Variants in LIG1 observed in about 807,000 individuals in gnomAD.
The protein encoded by LIG1 is ligase I, DNA, ATP-dependent.
In LIG1, 70 loss-of-function variants were observed where a neutral mutation model predicts 115.7. The observed-to-expected ratio is 0.60, with a 90% confidence interval of 0.50 to 0.74. LIG1 has a LOEUF of 0.74. LIG1 is among the 30% of genes least tolerant of loss of function. LIG1 has a pLI of 0.00. For synonymous variants in LIG1, 487 were observed against 495.3 expected (o/e 0.98, Z 0.22); for missense variants, 1,115 against 1,225.6 (o/e 0.91, Z 1.35).
Position 48,159,392 on chromosome 19 carries a change from C to G in LIG1, c.243+1980G>C, listed in dbSNP as rs2036043509. Among the ~76,000 whole-genome samples the G allele has an allele frequency of 2.0e-5, 3 of 152,124 alleles. No individual in the cohort carries two copies. The South Asian group carries it at 6.2e-4, about 31-fold the overall frequency. On this transcript the variant is annotated intron_variant, in intron 4 of 27. Transcript: ENST00000263274. ...GCCAGATGAATATTTTAAACACTGC[C>G]CAGGACTAAATGATCTCTGCCTCTC...
Position 48,165,597 on chromosome 19 carries a change from G to C in LIG1, c.-31C>G. 6.2e-7 allele frequency: 1 copy of C among 1,613,848 alleles called. No individual in the cohort carries two copies. The highest frequency in any genetic ancestry group is 8.5e-7 in the Non-Finnish European group (1 of 1,179,926). On this transcript the variant is annotated 5_prime_UTR_variant, in exon 2 of 28. Coordinates refer to ENST00000263274, the MANE Select transcript of LIG1 (RefSeq NM_000234.3). ...CGTCAGAATTCTCCCTTCCTGTCCA[G>C]CACTTTTCTTCGTCTGTCAGCTGCT...
At chr19:48,128,160 T>C in intron 19 of LIG1, 140 bp from the exon 20 acceptor site, 2 of 715,700 alleles carry the variant, frequency 2.8e-6, no homozygotes, top group East Asian at 2.6e-5. Flanking sequence ...ACAGATGCTT[T>C]TCTTTTATTC....
intron 18 of LIG1, among the ~76,000 whole-genome samples, chr19:48,131,668 A>C (rs2034032115): frequency 6.6e-6 from 1 of 151,658 alleles, no homozygotes; most frequent in Admixed American, 6.6e-5. Flanking sequence ...TGAACTTTCG[A>C]CCTCAGGTGA....
At position 48,115,927 on chromosome 19, in the gene LIG1, C is replaced by T. The variant is rs2032774936; in HGVS notation, c.2622G>A (p.Arg874=). ...SDKGISLRFP[R]FIRVREDKQP... ...GCTTGTCTTCACGGACTCGAATAAA[C>T]CGAGGGAAGCGAAGGGAGATGCCCT... The change falls in exon 27 of 28, where the codon CGG becomes CGA. Residue 874 remains arginine, a synonymous_variant. Transcript: ENST00000263274. 6.2e-7 allele frequency: 1 copy of T among 1,614,018 alleles called. No homozygotes were observed. Among genetic ancestry groups the T allele is most frequent in the South Asian group, 1.1e-5 (1 of 91,080 alleles).
chr19:48,143,823 G>T, intron 10 of LIG1, 60 bp downstream of exon 10: 1 of 1,427,230 alleles, frequency 7.0e-7, no homozygotes, highest in South Asian at 1.1e-5. Context: ...ACTCTGCTTA[G>T]AGAGCCTCCG....
At chr19:48,130,935 GCT>G in intron 19 of LIG1, 139 bp downstream of exon 19, 4 of 704,758 alleles carry the variant, frequency 5.7e-6, no homozygotes, top group Non-Finnish European at 1.0e-5. Flanking sequence ...AGGACTGAGT[GCT>G]CTGTCATTTG....
In LIG1 at chr19:48,161,368, C is replaced by G. The variant is rs2036166658; in HGVS notation, c.243+4G>C. 3.7e-6 allele frequency: 6 copies of G among 1,614,136 alleles called. No individual in the cohort carries two copies. Among genetic ancestry groups the G allele is most frequent in the Non-Finnish European group, 5.1e-6 (6 of 1,180,020 alleles). ...TAAAAATGGGCAGGGTGATGGGGAC[C>G]TACCTGGCCTTTAGCAGGGCTAAGG... On this transcript the variant is annotated splice_donor_region_variant and intron_variant, in intron 4 of 27. Coordinates refer to ENST00000263274, the MANE Select transcript of LIG1 (RefSeq NM_000234.3).
intron 14 of LIG1, among the ~76,000 whole-genome samples, chr19:48,136,417 G>C (rs1164633983): frequency 6.6e-6 from 1 of 152,194 alleles, no homozygotes; most frequent in African/African-American, 2.4e-5. Flanking sequence ...GCTTGAGGAG[G>C]ATGAGTCAGG....
intron 2 of LIG1, 102 bp downstream of exon 2, chr19:48,165,448 T>C: frequency 1.0e-6 from 1 of 973,434 alleles, no homozygotes. Flanking sequence ...AAATCTAACG[T>C]AAGAGTTTTT....
chr19:48,143,721 C>T, intron 10 of LIG1, 122 bp from the exon 11 acceptor site: 1 of 1,083,682 alleles, frequency 9.2e-7, no homozygotes, highest in Non-Finnish European at 1.4e-6. Flanking sequence ...TGCATGAGCT[C>T]ACTTCCCAGG....
chr19:48,139,085 G>C (rs1032775451), intron 12 of LIG1, among the ~76,000 whole-genome samples: 3 of 152,220 alleles, frequency 2.0e-5, no homozygotes, highest in African/African-American at 7.2e-5. Flanking sequence ...CCAGGCGGAT[G>C]AGAACCCACC....
chr19:48,115,533 CCT>C lies in LIG1; in HGVS notation c.*114_*115del. On this transcript the variant is annotated 3_prime_UTR_variant, in exon 28 of 28. Transcript: ENST00000263274. Reference sequence around the variant, plus strand: ...CACCCCCTCACACACACACCCCTCCCCTGACTCTCAAAATCCACAGCCTGCCA... The same window carrying C: ...CACCCCCTCACACACACACCCCTCCCGACTCTCAAAATCCACAGCCTGCCA... The C allele has an allele frequency of 1.0e-5, 8 of 768,772 alleles. No individual in the cohort carries two copies. Among genetic ancestry groups the C allele is most frequent in the Admixed American group, 4.0e-5 (2 of 50,168 alleles). 47.6% of individuals were successfully genotyped at this position (768,772 alleles called of 1,614,324 possible). A position where few individuals can be genotyped will look rare whatever the true frequency, so the allele number is the denominator to read the frequency against.
intron 1 of LIG1, among the ~76,000 whole-genome samples, chr19:48,169,049 A>G (rs1311966074): frequency 1.3e-5 from 2 of 152,250 alleles, no homozygotes; most frequent in Non-Finnish European, 2.9e-5. Flanking sequence ...GAAACGAAGC[A>G]CTGATACAAG....
intron 24 of LIG1, chr19:48,120,649 C>T (rs1359744083): frequency 1.3e-6 from 1 of 757,392 alleles, no homozygotes; most frequent in Non-Finnish European, 1.6e-6. Context: ...TGATGAGCAA[C>T]AGAACTTGAG....
chr19:48,133,184 A>G, intron 17 of LIG1, 87 bp from the exon 18 acceptor site: 1 of 881,030 alleles, frequency 1.1e-6, no homozygotes, highest in Non-Finnish European at 1.9e-6. Context: ...AATGGGCCCC[A>G]GGACCATTCT....
intron 14 of LIG1, 36 bp from the exon 15 acceptor site, chr19:48,136,161 T>C: frequency 6.8e-7 from 1 of 1,476,916 alleles, no homozygotes; most frequent in Non-Finnish European, 9.3e-7. Flanking sequence ...GGGGCTTGTC[T>C]GCACCTCCCC....
At chr19:48,121,723 C>T (rs2033292971) in intron 23 of LIG1, among the ~76,000 whole-genome samples, 3 of 152,194 alleles carry the variant, frequency 2.0e-5, no homozygotes, top group Non-Finnish European at 2.9e-5. Flanking sequence ...ATCGCTTGAA[C>T]CCGGGAGGCG....
chr19:48,153,516 A>G (rs1439737739), intron 6 of LIG1, among the ~76,000 whole-genome samples: 4 of 152,020 alleles, frequency 2.6e-5, no homozygotes, highest in African/African-American at 4.8e-5. Context: ...ATATCCCACA[A>G]TGTTTTCAGA....
Position 48,131,057 on chromosome 19 carries a change from G to A in LIG1, c.1821+19C>T, listed in dbSNP as rs1176011614. On this transcript the variant is annotated intron_variant, in intron 19 of 27. Transcript: ENST00000263274. ...GACCACAGACCCTGGCAGAGTGCAAGTGTGTGGCAGACGCCCACCTTGGGG... is the reference window on the plus strand; with the variant it reads ...GACCACAGACCCTGGCAGAGTGCAAATGTGTGGCAGACGCCCACCTTGGGG... 2 of 1,603,154 alleles carry A rather than the reference G, an allele frequency of 1.2e-6. No individual in the cohort carries two copies. The highest frequency in any genetic ancestry group is 1.7e-6 in the Non-Finnish European group (2 of 1,169,896).
Sources: gnomAD v4.1 joint callset for allele counts (sites outside exome capture counted in the v4.1 genomes callset) on GRCh38, gnomAD v4.1.1 for gene constraint, MANE v1.5 for transcripts, NCBI Gene and HGNC (gene_info 2026-07-23, HGNC 2026-07-21) for gene names.